Variants in PRKAR2A observed in about 807,000 individuals in gnomAD.
PRKAR2A encodes the protein cAMP-dependent protein kinase type II-alpha regulatory subunit.
Under a neutral mutation model 51.9 loss-of-function variants are expected in PRKAR2A, and 29 were observed. That is an observed-to-expected ratio of 0.56 (90% CI 0.42 to 0.76). The LOEUF (loss-of-function observed/expected upper bound fraction) is 0.76. Among genes scored for constraint, PRKAR2A ranks in the 30% least tolerant of loss-of-function variants. The probability of loss-of-function intolerance (pLI) is 0.00; values close to 1 mark genes in which losing one functional copy is unlikely to be tolerated. For missense variants in PRKAR2A, 445 were observed against 512.1 expected (o/e 0.87, Z 1.26); for synonymous variants, 178 against 186.2 (o/e 0.96, Z 0.36).
intron 4 of PRKAR2A, among the ~76,000 whole-genome samples, chr3:48,789,799 T>C (rs1408609916): frequency 1.3e-5 from 2 of 151,996 alleles, no homozygotes; most frequent in East Asian, 3.9e-4. Flanking sequence ...CCATAGATTT[T>C]TGCAACCTCA....
intron 6 of PRKAR2A, among the ~76,000 whole-genome samples, chr3:48,768,184 C>G (rs1335960603): frequency 1.3e-5 from 2 of 151,656 alleles, no homozygotes; most frequent in Non-Finnish European, 2.9e-5. Context: ...GTCCCAGTTA[C>G]TGGGGAGGCA....
At chr3:48,794,979 CT>C (rs761295018) in intron 2 of PRKAR2A, among the ~76,000 whole-genome samples, 333 of 143,708 alleles carry the variant, frequency 2.3e-3, no homozygotes, top group East Asian at 3.4e-3. Context: ...TCTGAGGAAA[CT>C]TTTTTTTTTT....
intron 8 of PRKAR2A, among the ~76,000 whole-genome samples, chr3:48,761,198 C>T (rs1417434526): frequency 4.6e-5 from 7 of 151,994 alleles, no homozygotes; most frequent in South Asian, 2.1e-4. Flanking sequence ...AGGAGAATGG[C>T]GTGAACCCAG....
At chr3:48,781,883 A>G (rs1376265469) in intron 5 of PRKAR2A, among the ~76,000 whole-genome samples, 1 of 151,914 alleles carries the variant, frequency 6.6e-6, no homozygotes, top group African/African-American at 2.4e-5. Flanking sequence ...GGACCTCAAG[A>G]GATCCACCTG....
At chr3:48,822,063 T>C (rs1174620663) in intron 1 of PRKAR2A, among the ~76,000 whole-genome samples, 1 of 151,346 alleles carries the variant, frequency 6.6e-6, no homozygotes, top group Non-Finnish European at 1.5e-5. Flanking sequence ...ATCTCTAATA[T>C]AGCTGGACAT....
intron 1 of PRKAR2A, among the ~76,000 whole-genome samples, chr3:48,807,999 TGATA>T (rs2082700997): frequency 6.6e-6 from 1 of 152,162 alleles, no homozygotes; most frequent in Non-Finnish European, 1.5e-5. Flanking sequence ...CCAAATTTAT[TGATA>T]ATGTTATGAT....
At chr3:48,819,726 C>T (rs2082930198) in intron 1 of PRKAR2A, among the ~76,000 whole-genome samples, 1 of 152,240 alleles carries the variant, frequency 6.6e-6, no homozygotes, top group Middle Eastern at 3.4e-3. Flanking sequence ...CTCCTATAGT[C>T]AAGTGCACTT....
intron 1 of PRKAR2A, among the ~76,000 whole-genome samples, chr3:48,829,867 A>T (rs1455581924): frequency 1.1e-4 from 9 of 79,622 alleles, no homozygotes; most frequent in African/African-American, 4.1e-4. Flanking sequence ...ATATATATAT[A>T]TATATTTTTT....
At chr3:48,846,926 G>T (rs1251889665) in intron 1 of PRKAR2A, among the ~76,000 whole-genome samples, 3 of 152,174 alleles carry the variant, frequency 2.0e-5, no homozygotes, top group Non-Finnish European at 4.4e-5. Context: ...AGTTTTCACA[G>T]TAACTTTTCA....
chr3:48,843,492 G>C (rs1352949285), intron 1 of PRKAR2A, among the ~76,000 whole-genome samples: 1 of 151,906 alleles, frequency 6.6e-6, no homozygotes, highest in Non-Finnish European at 1.5e-5. Flanking sequence ...CTACTTTAAA[G>C]TTCATATGGA....
chr3:48,753,601 A>C (rs2081700510), intron 9 of PRKAR2A, among the ~76,000 whole-genome samples: 1 of 152,106 alleles, frequency 6.6e-6, no homozygotes. Flanking sequence ...GTGCCCACTT[A>C]GTCCCTTCTC....
At chr3:48,805,001 T>C (rs886176001) in intron 2 of PRKAR2A, among the ~76,000 whole-genome samples, 7 of 152,106 alleles carry the variant, frequency 4.6e-5, no homozygotes, top group Non-Finnish European at 1.0e-4. Flanking sequence ...AGCATTGACC[T>C]CCCAGGCTCA....
intron 6 of PRKAR2A, 138 bp downstream of exon 6, chr3:48,772,817 A>AT (rs1301867725): frequency 9.4e-5 from 85 of 908,056 alleles, no homozygotes; most frequent in Non-Finnish European, 3.1e-6. Context: ...TTTTTTTTGT[A>AT]TTTTTTAGTA....
chr3:48,796,202 G>A (rs1263854462), intron 2 of PRKAR2A, among the ~76,000 whole-genome samples: 3 of 152,132 alleles, frequency 2.0e-5, no homozygotes, highest in Non-Finnish European at 4.4e-5. Context: ...TGTGACCAGA[G>A]GTAATTTATT....
At chr3:48,837,019 T>C (rs150471992) in intron 1 of PRKAR2A, among the ~76,000 whole-genome samples, 3 of 152,188 alleles carry the variant, frequency 2.0e-5, no homozygotes, top group East Asian at 3.9e-4. Context: ...TCCTAGCTAC[T>C]TGGGAGGCTA....
chr3:48,820,854 C>T (rs921298577), intron 1 of PRKAR2A, among the ~76,000 whole-genome samples: 3 of 152,124 alleles, frequency 2.0e-5, no homozygotes, highest in Non-Finnish European at 4.4e-5. Flanking sequence ...TGACTCATGA[C>T]CATTGTGCTC....
chr3:48,792,567 T>C (rs1412479366), intron 3 of PRKAR2A, among the ~76,000 whole-genome samples: 6 of 147,008 alleles, frequency 4.1e-5, no homozygotes, highest in Non-Finnish European at 8.9e-5. Context: ...GTTCAAGCGA[T>C]TCTCCTGCCT....
At chr3:48,769,313 G>A (rs1170834046) in intron 6 of PRKAR2A, among the ~76,000 whole-genome samples, 21 of 150,938 alleles carry the variant, frequency 1.4e-4, no homozygotes, top group African/African-American at 2.7e-4. Flanking sequence ...GCCTGCCACC[G>A]CGCCCGGCTA....
At chr3:48,755,609 CTT>C (rs545711673) in intron 9 of PRKAR2A, among the ~76,000 whole-genome samples, 53 of 138,898 alleles carry the variant, frequency 3.8e-4, no homozygotes, top group Non-Finnish European at 3.8e-4. Context: ...ATTTTCTTTC[CTT>C]TTTTTTTTTT....
Sources: gnomAD v4.1 joint callset for allele counts (sites outside exome capture counted in the v4.1 genomes callset) on GRCh38, gnomAD v4.1.1 for gene constraint, MANE v1.5 for transcripts, NCBI Gene and HGNC (gene_info 2026-07-23, HGNC 2026-07-21) for gene names.